The following CSMD1 variants were observed in gnomAD, a reference collection of about 807,000 sequenced individuals.
CSMD1 encodes CUB and Sushi multiple domains 1, also known as CUB and sushi domain-containing protein 1.
In CSMD1, 213 loss-of-function variants were observed where a neutral mutation model predicts 417.5. The observed-to-expected ratio is 0.51, with a 90% CI of 0.46 to 0.57. The LOEUF (loss-of-function observed/expected upper bound fraction) is 0.57, where lower values mean the gene tolerates loss of function less well. Among genes scored for constraint, CSMD1 ranks in the 20% least tolerant of loss-of-function variants. CSMD1 has a pLI of 0.00. For synonymous variants in CSMD1, 2,862 were observed against 1,736.8 expected, an observed-to-expected ratio of 1.65 and a Z score of -16.11; for missense variants, 6,923 against 4,529.7, an observed-to-expected ratio of 1.53 and a Z score of -15.17.
chr8:3,991,372 G>A (rs1317639176), intron 5 of CSMD1, among the ~76,000 whole-genome samples: 1 of 152,172 alleles, frequency 6.6e-6, no homozygotes, highest in Admixed American at 6.5e-5. Context: ...TAAGACTTCA[G>A]TGCGTCACGG....
At chr8:4,602,347 A>G (rs1751751371) in intron 2 of CSMD1, among the ~76,000 whole-genome samples, 1 of 152,170 alleles carries the variant, frequency 6.6e-6, no homozygotes, top group African/African-American at 2.4e-5. Context: ...CAGATAAGGA[A>G]GCTGAAACAG....
intron 1 of CSMD1, among the ~76,000 whole-genome samples, chr8:4,845,065 A>T (rs1585201811): frequency 1.2e-5 from 1 of 84,588 alleles, no homozygotes; most frequent in Non-Finnish European, 2.4e-5. Flanking sequence ...TAATGTAAAA[A>T]CTATCTATCT....
chr8:4,014,966 T>A (rs1473972795), intron 4 of CSMD1, among the ~76,000 whole-genome samples: 4 of 152,216 alleles, frequency 2.6e-5, no homozygotes, highest in Admixed American at 6.5e-5. Flanking sequence ...AATGACGTGC[T>A]TGGCAGAAAA....
At chr8:3,041,631 A>C (rs1330249382) in intron 50 of CSMD1, among the ~76,000 whole-genome samples, 1 of 152,244 alleles carries the variant, frequency 6.6e-6, no homozygotes, top group South Asian at 2.1e-4. Flanking sequence ...GTGAATTTTA[A>C]AAACTCATAC....
intron 1 of CSMD1, among the ~76,000 whole-genome samples, chr8:4,929,022 G>T (rs756540552): frequency 6.6e-6 from 1 of 152,158 alleles, no homozygotes; most frequent in African/African-American, 2.4e-5. Context: ...AGTGAGCCGA[G>T]ATTGCACCAC....
chr8:4,200,125 G>C lies in CSMD1; in HGVS notation c.416-168026C>G, dbSNP rs992720385. Reference sequence around the variant, plus strand: ...ATTTGAGATTATAACAACTGAATGAGATTTCCTTCCTTTAACATTATAGTC... The same window carrying C: ...ATTTGAGATTATAACAACTGAATGACATTTCCTTCCTTTAACATTATAGTC... On this transcript the variant is annotated intron_variant, in intron 3 of 69. Transcript: ENST00000635120. 3.3e-4 allele frequency among the ~76,000 whole-genome samples: 50 copies of C among 152,226 alleles called. 1 individual carries two copies. The South Asian group carries it at 6.6e-3, about 20-fold the overall frequency.
At chr8:4,918,317 G>A (rs761806731) in intron 1 of CSMD1, among the ~76,000 whole-genome samples, 9 of 152,210 alleles carry the variant, frequency 5.9e-5, no homozygotes, top group Admixed American at 5.9e-4. Flanking sequence ...AAATCACAAA[G>A]TGTATTGCCT....
At chr8:3,976,551 G>A (rs867914371) in intron 5 of CSMD1, among the ~76,000 whole-genome samples, 1 of 152,174 alleles carries the variant, frequency 6.6e-6, no homozygotes, top group African/African-American at 2.4e-5. Flanking sequence ...CTGTGAAACA[G>A]AGTGTCTTCT....
At chr8:4,287,874 C>T (rs1187269290) in intron 3 of CSMD1, among the ~76,000 whole-genome samples, 1 of 152,038 alleles carries the variant, frequency 6.6e-6, no homozygotes. Context: ...AAAACAAGGG[C>T]AGTCTCAGGA....
intron 4 of CSMD1, among the ~76,000 whole-genome samples, chr8:4,023,070 G>A (rs534712167): frequency 1.2e-4 from 18 of 152,306 alleles, no homozygotes; most frequent in South Asian, 4.1e-4. Context: ...TCTTTGCAGT[G>A]AAATATGGCC....
At chr8:3,072,193 TA>T (rs1813364151) in intron 49 of CSMD1, among the ~76,000 whole-genome samples, 1 of 152,202 alleles carries the variant, frequency 6.6e-6, no homozygotes, top group Non-Finnish European at 1.5e-5. Context: ...AGATTCAAAC[TA>T]TTACAATTAG....
At chr8:3,754,532 G>A (rs965459577) in intron 5 of CSMD1, among the ~76,000 whole-genome samples, 3 of 152,024 alleles carry the variant, frequency 2.0e-5, no homozygotes, top group Non-Finnish European at 1.5e-5. Context: ...TCGGCTCACT[G>A]CAAGCTCCGC....
intron 57 of CSMD1, among the ~76,000 whole-genome samples, chr8:2,969,856 T>C (rs575794879): frequency 6.6e-5 from 10 of 152,328 alleles, no homozygotes; most frequent in Non-Finnish European, 1.3e-4. Context: ...ACATAATTTG[T>C]TGCCTTATTG....
intron 3 of CSMD1, among the ~76,000 whole-genome samples, chr8:4,037,544 C>G (rs1279805773): frequency 1.3e-5 from 2 of 152,166 alleles, no homozygotes; most frequent in Admixed American, 6.5e-5. Flanking sequence ...AAACACAAAT[C>G]AGACATAGCC....
intron 10 of CSMD1, among the ~76,000 whole-genome samples, chr8:3,522,580 C>T (rs758903055): frequency 2.0e-5 from 3 of 152,084 alleles, no homozygotes; most frequent in Non-Finnish European, 2.9e-5. Context: ...GAAATGGGAA[C>T]ACTACTCATG....
intron 5 of CSMD1, among the ~76,000 whole-genome samples, chr8:3,930,091 G>A (rs76363201): frequency 6.6e-6 from 1 of 150,462 alleles, no homozygotes; most frequent in South Asian, 2.1e-4. Flanking sequence ...TTCCTTGGAA[G>A]ATTATCTTTA....
intron 7 of CSMD1, among the ~76,000 whole-genome samples, chr8:3,661,644 C>T (rs779515590): frequency 6.6e-6 from 1 of 152,074 alleles, no homozygotes; most frequent in Non-Finnish European, 1.5e-5. Context: ...TTACAGGTAT[C>T]CACCATCTCG....
intron 4 of CSMD1, among the ~76,000 whole-genome samples, chr8:4,021,519 T>A (rs867439196): frequency 3.9e-4 from 60 of 152,120 alleles, no homozygotes; most frequent in Middle Eastern, 6.8e-3. Flanking sequence ...CTCAGTAGAG[T>A]GTGGATGCTC....
intron 50 of CSMD1, among the ~76,000 whole-genome samples, chr8:3,040,786 G>C (rs901581426): frequency 6.6e-6 from 1 of 151,952 alleles, no homozygotes; most frequent in Non-Finnish European, 1.5e-5. Flanking sequence ...CTGGGTGGCA[G>C]AGTGAGACTC....
Sources: gnomAD v4.1 joint callset for allele counts (sites outside exome capture counted in the v4.1 genomes callset) on GRCh38, gnomAD v4.1.1 for gene constraint, MANE v1.5 for transcripts, NCBI Gene and HGNC (gene_info 2026-07-23, HGNC 2026-07-21) for gene names.